The following PELI1 variants were observed in gnomAD, a reference collection of about 807,000 sequenced individuals.
PELI1 encodes E3 ubiquitin-protein ligase pellino homolog 1.
PELI1 carries 15 observed loss-of-function variants against 41.3 expected under a neutral mutation model. The ratio of observed to expected loss-of-function variants is 0.36; its 90% CI spans 0.24 to 0.56. The LOEUF (loss-of-function observed/expected upper bound fraction) is 0.56. Ranked by LOEUF, PELI1 falls within the 20% of genes least tolerant of loss-of-function variation. The probability of loss-of-function intolerance (pLI) is 0.82; values close to 1 mark genes in which losing one functional copy is unlikely to be tolerated. For missense variants in PELI1, 403 were observed against 525.5 expected, an observed-to-expected ratio of 0.77 and a Z score of 2.28; for synonymous variants, 178 against 180.1, an observed-to-expected ratio of 0.99 and a Z score of 0.09.
chr2:64,131,909 C>T (rs965120927), intron 1 of PELI1, among the ~76,000 whole-genome samples: 1 of 152,182 alleles, frequency 6.6e-6, no homozygotes, highest in African/African-American at 2.4e-5. Flanking sequence ...GCATGAGCCA[C>T]TGCACCCAGC....
At chr2:64,143,032 A>G (rs1477428670) in intron 1 of PELI1, among the ~76,000 whole-genome samples, 1 of 152,228 alleles carries the variant, frequency 6.6e-6, no homozygotes, top group Non-Finnish European at 1.5e-5. Flanking sequence ...TTTGATGACT[A>G]AACGACAGGA....
At chr2:64,112,913 C>T (rs960611450) in intron 1 of PELI1, among the ~76,000 whole-genome samples, 1 of 152,022 alleles carries the variant, frequency 6.6e-6, no homozygotes, top group African/African-American at 2.4e-5. Flanking sequence ...AGTACCTAGA[C>T]AATGCTTTCC....
At chr2:64,121,162 A>G (rs1467847336) in intron 1 of PELI1, among the ~76,000 whole-genome samples, 3 of 152,248 alleles carry the variant, frequency 2.0e-5, no homozygotes, top group African/African-American at 7.2e-5. Context: ...TCCAGGAAAC[A>G]TACCTGCAAA....
rs1680125489 is a variant in PELI1, at chr2:64,093,627, G to A, written c.*1075C>T. ...AATCTCCTTAGGATTCAAACCCAGA[G>A]TTAAGGCTGGTCTGCTAAAAACGGG... On this transcript the variant is annotated 3_prime_UTR_variant, in exon 7 of 7. Transcript: ENST00000358912. The A allele has an allele frequency of 1.3e-5, 2 of 152,658 alleles. No individual in the cohort carries two copies. The highest frequency in any genetic ancestry group is 4.8e-5 in the African/African-American group (2 of 41,450). 9.5% of individuals were successfully genotyped at this position (152,658 alleles called of 1,614,324 possible).
At chr2:64,143,906 G>A (rs1477458906) in intron 1 of PELI1, among the ~76,000 whole-genome samples, 175 bp downstream of exon 1, 1 of 151,460 alleles carries the variant, frequency 6.6e-6, no homozygotes, top group Non-Finnish European at 1.5e-5. Context: ...GCCAGGGCGC[G>A]GGATGCAGGC....
intron 3 of PELI1, 55 bp from the exon 4 acceptor site, chr2:64,100,554 T>TA: frequency 1.2e-6 from 1 of 836,998 alleles, no homozygotes; most frequent in Non-Finnish European, 2.1e-6. Flanking sequence ...TCCAATCAGA[T>TA]AATCTTTTCA....
chr2:64,096,027 T>A (rs1400405926), intron 6 of PELI1, 98 bp downstream of exon 6: 5 of 813,916 alleles, frequency 6.1e-6, no homozygotes, highest in Non-Finnish European at 8.0e-6. Context: ...GTGTTGGCAA[T>A]AGATTTAAGA....
chr2:64,119,476 A>G (rs995768202), intron 1 of PELI1, among the ~76,000 whole-genome samples: 100 of 152,216 alleles, frequency 6.6e-4, no homozygotes, highest in African/African-American at 2.3e-3. Flanking sequence ...TACAGTTGGA[A>G]CCACACACTG....
At chr2:64,105,931 A>T (rs999274193) in intron 2 of PELI1, among the ~76,000 whole-genome samples, 5 of 152,206 alleles carry the variant, frequency 3.3e-5, no homozygotes, top group Admixed American at 1.3e-4. Flanking sequence ...ATGGCCTGTA[A>T]TTGTGGCTGG....
intron 1 of PELI1, among the ~76,000 whole-genome samples, chr2:64,119,164 T>C (rs1032237844): frequency 1.3e-5 from 2 of 152,160 alleles, no homozygotes; most frequent in Non-Finnish European, 2.9e-5. Flanking sequence ...CACAAAAGCC[T>C]TGGAGCTTGA....
intron 1 of PELI1, among the ~76,000 whole-genome samples, chr2:64,118,594 C>T (rs983949512): frequency 5.9e-5 from 9 of 152,144 alleles, no homozygotes; most frequent in African/African-American, 2.2e-4. Context: ...GAAGACTCCC[C>T]CTAATCAATT....
chr2:64,117,553 G>A (rs1055889910), intron 1 of PELI1, among the ~76,000 whole-genome samples: 5 of 151,966 alleles, frequency 3.3e-5, no homozygotes, highest in African/African-American at 9.7e-5. Flanking sequence ...TTTTAGTTTC[G>A]AAATTCCATT....
intron 1 of PELI1, chr2:64,143,481 G>A (rs1424710559): frequency 6.6e-6 from 1 of 152,112 alleles, no homozygotes; most frequent in African/African-American, 2.4e-5. Flanking sequence ...AGCTTTTCAC[G>A]ACCTCAGTTT....
At chr2:64,140,127 C>T (rs371070913) in intron 1 of PELI1, among the ~76,000 whole-genome samples, 1 of 152,064 alleles carries the variant, frequency 6.6e-6, no homozygotes, top group Non-Finnish European at 1.5e-5. Flanking sequence ...TGGGAAACCG[C>T]GGGTATTACA....
chr2:64,122,186 T>C (rs1681241890), intron 1 of PELI1, among the ~76,000 whole-genome samples: 1 of 151,788 alleles, frequency 6.6e-6, no homozygotes, highest in African/African-American at 2.4e-5. Context: ...CTTTGGCAAA[T>C]GAACCTGAAT....
chr2:64,096,232 T>C lies in PELI1; in HGVS notation c.583A>G (p.Asn195Asp), dbSNP rs1211452088. 1 of 1,613,640 alleles carries C rather than the reference T, an allele frequency of 6.2e-7. No individual in the cohort carries two copies. Among genetic ancestry groups the C allele is most frequent in the Non-Finnish European group, 8.5e-7 (1 of 1,179,614 alleles). Residue 195 changes from asparagine (N) to aspartate (D), a missense_variant, in exon 6 of 7, where the codon AAT becomes GAT. Coordinates refer to ENST00000358912, the MANE Select transcript of PELI1 (RefSeq NM_020651.4). Reference protein sequence around the residue: ...TNGVLVMHPRNGFTEDSKPGI... With the variant: ...TNGVLVMHPRDGFTEDSKPGI... ...GGCTTGGAGTCTTCTGTGAACCCAT[T>C]GCGTGGATGCATCACAAGAACACCA...
chr2:64,118,024 T>C (rs1348585464), intron 1 of PELI1, among the ~76,000 whole-genome samples: 3 of 152,148 alleles, frequency 2.0e-5, no homozygotes, highest in Non-Finnish European at 4.4e-5. Flanking sequence ...TTAGCCAGAA[T>C]GGTCTCGATA....
chr2:64,133,504 GGATACA>G (rs1681624687), intron 1 of PELI1, among the ~76,000 whole-genome samples: 1 of 151,954 alleles, frequency 6.6e-6, no homozygotes, highest in African/African-American at 2.4e-5. Context: ...AACTGGTTTG[GGATACA>G]GATACCGATA....
intron 2 of PELI1, among the ~76,000 whole-genome samples, chr2:64,105,816 C>A (rs1680599945): frequency 6.6e-6 from 1 of 152,056 alleles, no homozygotes; most frequent in Admixed American, 6.6e-5. Flanking sequence ...CGCCCCCTGA[C>A]AAATCTTGGG....
Sources: allele counts gnomAD v4.1 joint callset (sites outside exome capture counted in the v4.1 genomes callset), GRCh38; gene constraint gnomAD v4.1.1; transcripts MANE v1.5; gene names NCBI Gene and HGNC (gene_info 2026-07-23, HGNC 2026-07-21).